DNAJC5: variants seen among roughly 807,000 people sequenced by gnomAD.
The protein encoded by DNAJC5 is dnaJ homolog subfamily C member 5.
Under a neutral mutation model 23.2 loss-of-function variants are expected in DNAJC5, and 1 was observed. That is an observed-to-expected ratio of 0.04 (90% CI 0.02 to 0.20). The LOEUF (loss-of-function observed/expected upper bound fraction) is 0.20. DNAJC5 is among the 10% of genes least tolerant of loss of function. The probability of loss-of-function intolerance (pLI) is 1.00; values close to 1 mark genes in which losing one functional copy is unlikely to be tolerated. For missense variants in DNAJC5, 180 were observed against 267.0 expected (o/e 0.67, Z 2.27); for synonymous variants, 136 against 120.0 (o/e 1.13, Z -0.87).
In DNAJC5 at chr20:63,933,305, A is replaced by T. The variant is rs1021708334; in HGVS notation, c.*1737A>T. 1 of 152,324 alleles carries T rather than the reference A, an allele frequency of 6.6e-6. No homozygotes were observed. Among genetic ancestry groups the T allele is most frequent in the African/African-American group, 2.4e-5 (1 of 41,406 alleles). The allele number at this position is 152,324 out of a possible 1,614,324, so 9.4% of individuals were successfully genotyped here. ...GTTGACCAGGAAGCTGCCAAAAGGG[A>T]CATGGATATGAGGATACATCTGGAC... On this transcript the variant is annotated 3_prime_UTR_variant, in exon 5 of 5. Transcript: ENST00000360864.
Position 63,930,910 on chromosome 20 carries a change from C to T in DNAJC5, c.381C>T (p.Cys127=), listed in dbSNP as rs199712884. 1.2e-6 allele frequency: 2 copies of T among 1,614,104 alleles called. No individual in the cohort carries two copies. The highest frequency in any genetic ancestry group is 1.7e-6 in the Non-Finnish European group (2 of 1,180,044). The change falls in exon 4 of 5, where the codon TGC becomes TGT. Residue 127 remains cysteine, a synonymous_variant. Transcript: ENST00000360864. ...GCTACTGCTGCTGCTGTCTGTGCTGCTGCTTCAACTGCTGCTGCGGGAAGT... is the reference window on the plus strand; with the variant it reads ...GCTACTGCTGCTGCTGTCTGTGCTGTTGCTTCAACTGCTGCTGCGGGAAGT... ...TCCYCCCCLC[C]CFNCCCGKCK...
At chr20:63,903,147 ATT>A (rs372539600) in intron 1 of DNAJC5, among the ~76,000 whole-genome samples, 19 of 151,822 alleles carry the variant, frequency 1.3e-4, no homozygotes, top group African/African-American at 4.6e-4. Flanking sequence ...TAATGTTTTA[ATT>A]TTTGTAGAGA....
intron 1 of DNAJC5, among the ~76,000 whole-genome samples, chr20:63,907,704 C>T (rs2053456549): frequency 6.6e-6 from 1 of 152,222 alleles, no homozygotes; most frequent in Admixed American, 6.5e-5. Context: ...TTTGTCAGAT[C>T]ATACTGTCTC....
At chr20:63,897,611 T>TA (rs2146267060) in intron 1 of DNAJC5, among the ~76,000 whole-genome samples, 1 of 152,266 alleles carries the variant, frequency 6.6e-6, no homozygotes, top group South Asian at 2.1e-4. Flanking sequence ...CCAGTGGTAA[T>TA]AATGCTTTTA....
At chr20:63,906,569 G>C (rs532842389) in intron 1 of DNAJC5, among the ~76,000 whole-genome samples, 1 of 152,052 alleles carries the variant, frequency 6.6e-6, no homozygotes, top group Non-Finnish European at 1.5e-5. Flanking sequence ...CAGATCATGA[G>C]GTCAGGAGAT....
intron 1 of DNAJC5, among the ~76,000 whole-genome samples, chr20:63,912,814 G>A (rs1340081015): frequency 6.6e-6 from 1 of 152,020 alleles, no homozygotes; most frequent in East Asian, 1.9e-4. Flanking sequence ...TCACCATGTT[G>A]GCCAGGATGG....
chr20:63,930,863 T>C lies in DNAJC5; in HGVS notation c.334T>C (p.Phe112Leu). The change falls in exon 4 of 5, where the codon TTC becomes CTC. Residue 112 changes from phenylalanine (F) to leucine (L), a missense_variant. Physicochemically the swap from Phe to Leu is conservative, Grantham distance 22. This residue lies in a region of DNAJC5 where 97 missense variants were observed against 123.4 expected (regional missense o/e 0.79). Transcript: ENST00000360864. ...SSWWAKALFV[F>L]CGLLTCCYCC... is the part of the protein sequence containing the mutation. ...CTTCTCCCCCCAGGCCCTGTTTGTC[T>C]TCTGCGGCCTCCTCACGTGCTGCTA... is the stretch of plus-strand genomic sequence containing the variant. 6.2e-7 allele frequency: 1 copy of C among 1,613,086 alleles called. No individual in the cohort carries two copies. Among genetic ancestry groups the C allele is most frequent in the Non-Finnish European group, 8.5e-7 (1 of 1,179,952 alleles).
At position 63,931,032 on chromosome 20, in the gene DNAJC5, C is replaced by A; in HGVS notation, c.493+10C>A. On this transcript the variant is annotated intron_variant, in intron 4 of 4. Transcript: ENST00000360864. The surrounding 1 kb of genome is among the most constrained non-coding windows in gnomAD (Gnocchi z 9.6). Reference sequence around the variant, plus strand: ...CAGTCTGACGAGAGGGGTGAGTGCCCGCCCCAGGGCCCGTGTGTGTGTGTG... The same window carrying A: ...CAGTCTGACGAGAGGGGTGAGTGCCAGCCCCAGGGCCCGTGTGTGTGTGTG... The A allele has an allele frequency of 2.5e-6, 4 of 1,613,284 alleles. No individual in the cohort carries two copies. In the South Asian group the frequency reaches 3.3e-5, roughly 13 times the overall value.
At chr20:63,915,336 G>T (rs562401450) in intron 1 of DNAJC5, among the ~76,000 whole-genome samples, 6 of 151,846 alleles carry the variant, frequency 4.0e-5, no homozygotes, top group African/African-American at 1.4e-4. Context: ...GAGGGCTGTT[G>T]TTCAGCGACG....
chr20:63,910,878 G>A lies in DNAJC5; in HGVS notation c.-12+15555G>A, dbSNP rs1473594423. ...AGTAGAGACGGGGGTTCACCATGTT[G>A]GCCAGGCTGGTCTATCTCCTGACCT... On this transcript the variant is annotated intron_variant, in intron 1 of 4. Coordinates refer to ENST00000360864, the MANE Select transcript of DNAJC5 (RefSeq NM_025219.3). Among the ~76,000 whole-genome samples the A allele has an allele frequency of 3.3e-5, 5 of 152,096 alleles. No homozygotes were observed. In the East Asian group the frequency reaches 9.7e-4, roughly 30 times the overall value.
intron 1 of DNAJC5, among the ~76,000 whole-genome samples, chr20:63,903,482 A>G (rs2053427754): frequency 6.6e-6 from 1 of 151,576 alleles, no homozygotes; most frequent in East Asian, 2.0e-4. Flanking sequence ...TGATTTTTGT[A>G]TTTTTTAGTA....
chr20:63,930,372 G>T (rs1408324519), intron 3 of DNAJC5, among the ~76,000 whole-genome samples: 1 of 151,980 alleles, frequency 6.6e-6, no homozygotes, highest in South Asian at 2.1e-4. Context: ...TTTTGAGACG[G>T]AGTCTCGCTC....
chr20:63,924,842 G>T (rs980223022), intron 1 of DNAJC5, among the ~76,000 whole-genome samples: 1 of 152,264 alleles, frequency 6.6e-6, no homozygotes, highest in Admixed American at 6.5e-5. Context: ...CCCCTGGCCA[G>T]TGATGCCCCA....
At chr20:63,897,658 T>C (rs1266143219) in intron 1 of DNAJC5, among the ~76,000 whole-genome samples, 1 of 152,234 alleles carries the variant, frequency 6.6e-6, no homozygotes, top group Non-Finnish European at 1.5e-5. Flanking sequence ...AAACCCTACA[T>C]GCTAGTCCTT....
intron 1 of DNAJC5, among the ~76,000 whole-genome samples, chr20:63,916,894 G>T (rs1166151947): frequency 1.3e-5 from 2 of 152,184 alleles, no homozygotes; most frequent in African/African-American, 2.4e-5. Context: ...GCTGTATTTT[G>T]CCTGACCACA....
intron 1 of DNAJC5, among the ~76,000 whole-genome samples, chr20:63,916,379 A>G (rs2146286329): frequency 1.3e-5 from 2 of 152,364 alleles, no homozygotes; most frequent in East Asian, 3.9e-4. Flanking sequence ...GTGACATCAC[A>G]TATCGGTAGG....
chr20:63,913,871 G>T (rs911779738), intron 1 of DNAJC5, among the ~76,000 whole-genome samples: 1 of 152,174 alleles, frequency 6.6e-6, no homozygotes, highest in African/African-American at 2.4e-5. Context: ...GAGCCACCGC[G>T]CCAGGCCCTA....
Position 63,929,810 on chromosome 20 carries a change from G to A in DNAJC5, c.321+285G>A, listed in dbSNP as rs1201391131. Among the ~76,000 whole-genome samples the A allele has an allele frequency of 6.6e-6, 1 of 152,266 alleles. No homozygotes were observed. Among genetic ancestry groups the A allele is most frequent in the Non-Finnish European group, 1.5e-5 (1 of 68,054 alleles). ...GGGTTCCCAGCATTGCAGAGCCCATGCGTTGATGCCAGCAACTCTACACTC... is the reference window on the plus strand; with the variant it reads ...GGGTTCCCAGCATTGCAGAGCCCATACGTTGATGCCAGCAACTCTACACTC... On this transcript the variant is annotated intron_variant, in intron 3 of 4. Coordinates refer to ENST00000360864, the MANE Select transcript of DNAJC5 (RefSeq NM_025219.3). The surrounding 1 kb of genome is among the most constrained non-coding windows in gnomAD (Gnocchi z 8.6).
intron 1 of DNAJC5, among the ~76,000 whole-genome samples, chr20:63,927,849 T>A (rs2053629087): frequency 6.6e-6 from 1 of 152,276 alleles, no homozygotes; most frequent in Non-Finnish European, 1.5e-5. Context: ...TTTTCATTTT[T>A]CTTGTAACTT....
Sources: gnomAD v4.1 joint callset for allele counts (sites outside exome capture counted in the v4.1 genomes callset) on GRCh38, gnomAD v4.1.1 for gene constraint, gnomAD v4.1.1 regional missense constraint, Gnocchi (gnomAD v3.1) non-coding constraint, MANE v1.5 for transcripts, NCBI Gene and HGNC (gene_info 2026-07-23, HGNC 2026-07-21) for gene names.